MLLT10: variants seen among roughly 807,000 people sequenced by gnomAD.
MLLT10 encodes the protein protein AF-10.
A neutral mutation model predicts 129.1 loss-of-function variants in MLLT10; 30 were observed. The observed-to-expected ratio is 0.23, with a 90% CI of 0.17 to 0.32. The LOEUF is 0.32. Among genes scored for constraint, MLLT10 ranks in the 10% least tolerant of loss-of-function variants. MLLT10 has a pLI of 1.00. For synonymous variants in MLLT10, 490 were observed against 446.4 expected (o/e 1.10, Z -1.23); for missense variants, 1,119 against 1,268.3 (o/e 0.88, Z 1.79).
At chr10:21,565,694 C>A (rs1284457486) in intron 3 of MLLT10, among the ~76,000 whole-genome samples, 7 of 151,398 alleles carry the variant, frequency 4.6e-5, no homozygotes, top group African/African-American at 1.7e-4. Context: ...CAGCCTGGAC[C>A]TCCTGGGCTC....
chr10:21,683,195 T>G (rs1021026578), intron 13 of MLLT10, among the ~76,000 whole-genome samples: 2 of 152,146 alleles, frequency 1.3e-5, no homozygotes, highest in African/African-American at 4.8e-5. Flanking sequence ...TCTTGTTGCC[T>G]TAAGGGTAGG....
At chr10:21,572,494 C>T (rs1256161842) in intron 3 of MLLT10, among the ~76,000 whole-genome samples, 3 of 152,114 alleles carry the variant, frequency 2.0e-5, no homozygotes, top group Non-Finnish European at 2.9e-5. Context: ...ATCTTAACAA[C>T]GATTGAGTCT....
At position 21,606,014 on chromosome 10, in the gene MLLT10, T is replaced by A. The variant is rs558986743; in HGVS notation, c.406-6334T>A. Among the ~76,000 whole-genome samples the A allele has an allele frequency of 3.9e-5, 6 of 152,320 alleles. No individual in the cohort carries two copies. The South Asian group carries it at 1.2e-3, about 32-fold the overall frequency. On this transcript the variant is annotated intron_variant, in intron 5 of 22. Coordinates refer to ENST00000307729, the MANE Select transcript of MLLT10 (RefSeq NM_001195626.3). Reference sequence around the variant, plus strand: ...ATTTTTCCAACAGCATGTGCTCACTTAGTGACTCTTTGTCCCTTTTTGTTA... The same window carrying A: ...ATTTTTCCAACAGCATGTGCTCACTAAGTGACTCTTTGTCCCTTTTTGTTA...
At chr10:21,561,251 A>G (rs1313403904) in intron 3 of MLLT10, among the ~76,000 whole-genome samples, 1 of 151,922 alleles carries the variant, frequency 6.6e-6, no homozygotes, top group Non-Finnish European at 1.5e-5. Flanking sequence ...ATTTATTTAT[A>G]TATTTATTTA....
rs369793661 is a variant in MLLT10 at position 21,582,508 on chromosome 10, G to A, written c.241-3786G>A. Among the ~76,000 whole-genome samples the A allele has an allele frequency of 3.9e-5, 6 of 152,280 alleles. No individual in the cohort carries two copies. The East Asian group carries it at 1.2e-3, about 29-fold the overall frequency. On this transcript the variant is annotated intron_variant, in intron 3 of 22. Coordinates refer to ENST00000307729, the MANE Select transcript of MLLT10 (RefSeq NM_001195626.3). ...AGGTATGTATGTATAGCAAAAAACAGAATCAAGTGCTCAGTACCATTTGTT... is the reference window on the plus strand; with the variant it reads ...AGGTATGTATGTATAGCAAAAAACAAAATCAAGTGCTCAGTACCATTTGTT...
intron 7 of MLLT10, among the ~76,000 whole-genome samples, chr10:21,616,689 G>T (rs1158015716): frequency 1.3e-5 from 2 of 151,934 alleles, no homozygotes; most frequent in African/African-American, 4.8e-5. Flanking sequence ...AATACTGATG[G>T]TATAAGATTA....
chr10:21,632,294 C>T (rs1450596857), intron 8 of MLLT10, among the ~76,000 whole-genome samples: 1 of 152,000 alleles, frequency 6.6e-6, no homozygotes, highest in Non-Finnish European at 1.5e-5. Flanking sequence ...TTTTTTGCAA[C>T]TTGTAAGGTT....
intron 3 of MLLT10, among the ~76,000 whole-genome samples, chr10:21,578,954 A>G (rs1041819168): frequency 6.6e-6 from 1 of 152,216 alleles, no homozygotes; most frequent in Non-Finnish European, 1.5e-5. Flanking sequence ...GATATTTACC[A>G]TTTGTGGTAG....
At chr10:21,634,825 T>C (rs1046447272) in intron 8 of MLLT10, among the ~76,000 whole-genome samples, 3 of 152,244 alleles carry the variant, frequency 2.0e-5, no homozygotes, top group South Asian at 2.1e-4. Context: ...ATCTTAATGC[T>C]CAGATTGTCC....
intron 9 of MLLT10, among the ~76,000 whole-genome samples, chr10:21,663,454 G>C (rs1482139901): frequency 6.6e-6 from 1 of 151,206 alleles, no homozygotes; most frequent in African/African-American, 2.4e-5. Context: ...TCGGCTCACT[G>C]CAACTTCTGC....
intron 13 of MLLT10, among the ~76,000 whole-genome samples, chr10:21,711,859 T>C (rs971045847): frequency 6.6e-6 from 1 of 152,226 alleles, no homozygotes; most frequent in Non-Finnish European, 1.5e-5. Flanking sequence ...ATACCTCTTT[T>C]TCTGTGCTCC....
chr10:21,715,104 T>TA (rs1171941901), intron 14 of MLLT10, among the ~76,000 whole-genome samples: 1 of 152,262 alleles, frequency 6.6e-6, no homozygotes, highest in Non-Finnish European at 1.5e-5. Flanking sequence ...TAGTTGTTTA[T>TA]AAGTTCCTGT....
intron 3 of MLLT10, among the ~76,000 whole-genome samples, chr10:21,581,413 A>G (rs1348067311): frequency 6.6e-6 from 1 of 152,180 alleles, no homozygotes; most frequent in East Asian, 1.9e-4. Context: ...TAAAAAATGC[A>G]CTTGTATAGG....
intron 3 of MLLT10, among the ~76,000 whole-genome samples, chr10:21,545,412 A>G (rs1400858872): frequency 6.6e-6 from 1 of 152,104 alleles, no homozygotes; most frequent in Non-Finnish European, 1.5e-5. Flanking sequence ...ACTGCCAGGA[A>G]CGCTGAAGGA....
intron 10 of MLLT10, 36 bp from the exon 11 acceptor site, chr10:21,673,314 C>T: frequency 3.0e-6 from 2 of 657,224 alleles, no homozygotes; most frequent in African/African-American, 2.1e-5. Context: ...CCCCCACCCC[C>T]CAACTTTTTT....
Position 21,573,224 on chromosome 10 carries a change from C to T in MLLT10, c.241-13070C>T, listed in dbSNP as rs1222973405. Among the ~76,000 whole-genome samples, 14 of 152,184 alleles carry T rather than the reference C, an allele frequency of 9.2e-5. 1 individual carries two copies. Among genetic ancestry groups the T allele is most frequent in the Admixed American group, 8.5e-4 (13 of 15,270 alleles). On this transcript the variant is annotated intron_variant, in intron 3 of 22. Coordinates refer to ENST00000307729, the MANE Select transcript of MLLT10 (RefSeq NM_001195626.3). ...TCTTGTTTTCATTCTTAGAGGAGAG[C>T]ATTCAGTGTTACACCATCAATTATA...
chr10:21,590,344 ATTT>A (rs748772279), intron 4 of MLLT10, among the ~76,000 whole-genome samples: 1 of 145,212 alleles, frequency 6.9e-6, no homozygotes. Context: ...TGCCAATAGT[ATTT>A]TTTTTTTTTT....
intron 14 of MLLT10, among the ~76,000 whole-genome samples, chr10:21,718,962 T>C (rs922286137): frequency 6.6e-6 from 1 of 152,212 alleles, no homozygotes; most frequent in Non-Finnish European, 1.5e-5. Context: ...GACCTCATGA[T>C]CCACCCACCT....
chr10:21,539,926 CAG>C (rs1403109247), intron 3 of MLLT10, among the ~76,000 whole-genome samples: 5 of 149,832 alleles, frequency 3.3e-5, no homozygotes, highest in Non-Finnish European at 7.4e-5. Flanking sequence ...ACCTGGGTGA[CAG>C]AGCAAGACTC....
Sources: allele counts gnomAD v4.1 joint callset (sites outside exome capture counted in the v4.1 genomes callset), GRCh38; gene constraint gnomAD v4.1.1; transcripts MANE v1.5; gene names NCBI Gene and HGNC (gene_info 2026-07-23, HGNC 2026-07-21).